Variants in STPG2 observed in about 807,000 individuals in gnomAD.
STPG2 encodes the protein sperm-tail PG-rich repeat-containing protein 2.
In STPG2, 56 loss-of-function variants were observed where a neutral mutation model predicts 54.2. That is an observed-to-expected ratio of 1.03 (90% CI 0.83 to 1.29). The LOEUF is 1.29. STPG2 is among the 50% of genes most tolerant of loss of function. The pLI is 0.00. For missense variants in STPG2, 596 were observed against 544.9 expected, an observed-to-expected ratio of 1.09 and a Z score of -0.93; for synonymous variants, 200 against 181.8, an observed-to-expected ratio of 1.10 and a Z score of -0.81.
chr4:97,947,850 T>C (rs1733298798), intron 7 of STPG2, among the ~76,000 whole-genome samples: 1 of 152,094 alleles, frequency 6.6e-6, no homozygotes, highest in African/African-American at 2.4e-5. Context: ...ATCAGGGATA[T>C]TGGTCTGTAG....
intron 10 of STPG2, among the ~76,000 whole-genome samples, chr4:97,605,830 T>C (rs80041884): frequency 0.018 from 2,631 of 149,676 alleles, 66 homozygotes; most frequent in African/African-American, 0.061. Context: ...AAAAAAAAAA[T>C]CTGTGTTTAG....
intron 4 of STPG2, among the ~76,000 whole-genome samples, chr4:97,473,273 C>A (rs1258121212): frequency 6.6e-6 from 1 of 152,160 alleles, no homozygotes; most frequent in Non-Finnish European, 1.5e-5. Flanking sequence ...AGCCATATTT[C>A]TCTTCTTTCA....
intron 4 of STPG2, among the ~76,000 whole-genome samples, chr4:97,529,263 T>C (rs181771112): frequency 3.3e-5 from 5 of 152,366 alleles, no homozygotes; most frequent in Admixed American, 1.3e-4. Context: ...TCATTGGTTC[T>C]GTTCATGTGT....
intron 9 of STPG2, among the ~76,000 whole-genome samples, chr4:97,714,462 C>G (rs966624291): frequency 1.3e-5 from 2 of 152,072 alleles, no homozygotes; most frequent in Non-Finnish European, 2.9e-5. Flanking sequence ...CATCCAGGCT[C>G]TAGCCCAGTC....
intron 8 of STPG2, among the ~76,000 whole-genome samples, chr4:97,885,191 A>G (rs1409431911): frequency 3.9e-5 from 6 of 152,174 alleles, no homozygotes; most frequent in Non-Finnish European, 8.8e-5. Context: ...CTGGAGAAAT[A>G]GTAACTAACA....
intron 4 of STPG2, among the ~76,000 whole-genome samples, chr4:97,495,843 C>T (rs1730600956): frequency 6.6e-6 from 1 of 151,036 alleles, no homozygotes; most frequent in Admixed American, 6.6e-5. Flanking sequence ...AAATAAATGG[C>T]TGAATTAATT....
chr4:97,679,031 G>A (rs1210063404), intron 10 of STPG2, among the ~76,000 whole-genome samples: 4 of 152,032 alleles, frequency 2.6e-5, no homozygotes, highest in Admixed American at 6.6e-5. Context: ...ATCATTGTTG[G>A]ACATTTGGGT....
rs1044903062 is a variant in STPG2 at position 97,827,657 on chromosome 4, C to T, written c.1204+13116G>A. Reference sequence around the variant, plus strand: ...AGCCGTGGGTATTCTTAACTTATGGCAATATAGTTATTGCATAAGTGCAAT... The same window carrying T: ...AGCCGTGGGTATTCTTAACTTATGGTAATATAGTTATTGCATAAGTGCAAT... On this transcript the variant is annotated intron_variant, in intron 9 of 10. Coordinates refer to ENST00000295268, the MANE Select transcript of STPG2 (RefSeq NM_174952.3). Among the ~76,000 whole-genome samples the T allele has an allele frequency of 3.3e-5, 5 of 152,152 alleles. No individual in the cohort carries two copies. In the East Asian group the frequency reaches 5.8e-4, roughly 18 times the overall value.
At chr4:97,840,955 A>G (rs1728784758) in intron 8 of STPG2, 23 bp from the exon 9 acceptor site, 3 of 1,608,680 alleles carry the variant, frequency 1.9e-6, no homozygotes, top group Non-Finnish European at 2.5e-6. Flanking sequence ...TTAATAGATG[A>G]GCATAAATAT....
intron 9 of STPG2, among the ~76,000 whole-genome samples, chr4:97,745,122 C>T (rs543280075): frequency 3.3e-5 from 5 of 150,892 alleles, no homozygotes; most frequent in Admixed American, 1.3e-4. Context: ...GAAAAATTTG[C>T]CTATAATATG....
chr4:97,484,714 G>C (rs979756822), intron 4 of STPG2, among the ~76,000 whole-genome samples: 2 of 151,602 alleles, frequency 1.3e-5, no homozygotes, highest in Non-Finnish European at 3.0e-5. Flanking sequence ...CATTCTATGA[G>C]GCCAGCATCA....
At chr4:97,763,154 T>A (rs1474790835) in intron 9 of STPG2, among the ~76,000 whole-genome samples, 2 of 152,196 alleles carry the variant, frequency 1.3e-5, no homozygotes, top group South Asian at 2.1e-4. Context: ...AGCTAACATA[T>A]AATTACCTGG....
At chr4:97,732,005 A>T (rs1365398651) in intron 9 of STPG2, among the ~76,000 whole-genome samples, 1 of 152,160 alleles carries the variant, frequency 6.6e-6, no homozygotes, top group South Asian at 2.1e-4. Flanking sequence ...GCAGCCAGGC[A>T]GGGTCCTTGG....
At chr4:97,493,629 A>G (rs1730548242) in intron 4 of STPG2, among the ~76,000 whole-genome samples, 1 of 151,582 alleles carries the variant, frequency 6.6e-6, no homozygotes, top group Non-Finnish European at 1.5e-5. Flanking sequence ...AGTGTACCCA[A>G]TGTACTTAGT....
At chr4:98,114,129 C>G (rs1214408968) in intron 3 of STPG2, among the ~76,000 whole-genome samples, 1 of 152,072 alleles carries the variant, frequency 6.6e-6, no homozygotes, top group Admixed American at 6.6e-5. Flanking sequence ...AGAGAGAGAA[C>G]CTAGCCAAAC....
At chr4:97,904,390 G>C (rs980139099) in intron 8 of STPG2, among the ~76,000 whole-genome samples, 2 of 152,138 alleles carry the variant, frequency 1.3e-5, no homozygotes, top group African/African-American at 4.8e-5. Context: ...TGCAGCTGAG[G>C]GTCCTGTCTG....
intron 8 of STPG2, among the ~76,000 whole-genome samples, chr4:97,861,225 T>C (rs1316719120): frequency 6.6e-6 from 1 of 151,780 alleles, no homozygotes; most frequent in Non-Finnish European, 1.5e-5. Flanking sequence ...AAATGACAAA[T>C]AGACATATGA....
At chr4:97,897,427 T>A (rs955343136) in intron 8 of STPG2, among the ~76,000 whole-genome samples, 1 of 152,142 alleles carries the variant, frequency 6.6e-6, no homozygotes, top group Admixed American at 6.6e-5. Context: ...TACCCAGTAA[T>A]GGGATCGCTG....
At chr4:97,862,350 G>A (rs1431695465) in intron 8 of STPG2, among the ~76,000 whole-genome samples, 3 of 151,932 alleles carry the variant, frequency 2.0e-5, no homozygotes, top group African/African-American at 7.3e-5. Flanking sequence ...AGACAAAGAA[G>A]GCCATTACAT....
Sources: allele counts gnomAD v4.1 joint callset (sites outside exome capture counted in the v4.1 genomes callset), GRCh38; gene constraint gnomAD v4.1.1; transcripts MANE v1.5; gene names NCBI Gene and HGNC (gene_info 2026-07-23, HGNC 2026-07-21).